Variants in IPCEF1 observed in about 807,000 individuals in gnomAD.
IPCEF1 encodes the protein interaction protein for cytohesin exchange factors 1.
In IPCEF1, 31 loss-of-function variants were observed where a neutral mutation model predicts 50.9. The observed-to-expected ratio is 0.61, with a 90% CI of 0.46 to 0.82. IPCEF1 has a LOEUF of 0.82. IPCEF1 is among the 40% of genes least tolerant of loss of function. IPCEF1 has a pLI of 0.00. For synonymous variants in IPCEF1, 181 were observed against 192.0 expected, an observed-to-expected ratio of 0.94 and a Z score of 0.47; for missense variants, 458 against 514.0, an observed-to-expected ratio of 0.89 and a Z score of 1.05.
intron 11 of IPCEF1, among the ~76,000 whole-genome samples, chr6:154,164,508 G>A (rs73789358): frequency 0.042 from 6,411 of 152,274 alleles, 432 homozygotes; most frequent in African/African-American, 0.14. Flanking sequence ...CCTGGATGGC[G>A]CATGAGGCTT....
chr6:154,237,969 C>T (rs559486780), intron 5 of IPCEF1, among the ~76,000 whole-genome samples: 6 of 152,058 alleles, frequency 3.9e-5, no homozygotes, highest in Admixed American at 2.0e-4. Flanking sequence ...TTCCTGTTAA[C>T]GATTTTAAAC....
At chr6:154,341,250 T>C (rs1258648631) in intron 1 of IPCEF1, among the ~76,000 whole-genome samples, 1 of 152,200 alleles carries the variant, frequency 6.6e-6, no homozygotes. Context: ...CTTAGTGATT[T>C]TGGGGGCTCA....
At chr6:154,205,555 A>G (rs1777423829) in intron 9 of IPCEF1, among the ~76,000 whole-genome samples, 1 of 152,200 alleles carries the variant, frequency 6.6e-6, no homozygotes, top group East Asian at 1.9e-4. Context: ...AAATCACACC[A>G]CTGCACTCTA....
chr6:154,165,985 T>C (rs887323596), intron 11 of IPCEF1, among the ~76,000 whole-genome samples: 5 of 152,198 alleles, frequency 3.3e-5, no homozygotes, highest in Non-Finnish European at 1.5e-5. Flanking sequence ...TGCAGGAGTT[T>C]AGAAACTGAT....
At chr6:154,259,061 G>T (rs1264211900) in intron 3 of IPCEF1, among the ~76,000 whole-genome samples, 1 of 152,200 alleles carries the variant, frequency 6.6e-6, no homozygotes, top group Non-Finnish European at 1.5e-5. Context: ...ACTCAGAGCT[G>T]TAAAATACCT....
chr6:154,351,412 T>A (rs1308704601), intron 1 of IPCEF1, among the ~76,000 whole-genome samples: 1 of 152,110 alleles, frequency 6.6e-6, no homozygotes, highest in Non-Finnish European at 1.5e-5. Context: ...CCTGACTGCC[T>A]AAGAAGACAA....
At chr6:154,283,470 C>A (rs910859305) in intron 2 of IPCEF1, among the ~76,000 whole-genome samples, 1 of 151,202 alleles carries the variant, frequency 6.6e-6, no homozygotes, top group African/African-American at 2.4e-5. Context: ...CGGTGGTGGG[C>A]CCCTGTAGTC....
At chr6:154,248,343 A>T (rs1171695029) in intron 3 of IPCEF1, among the ~76,000 whole-genome samples, 1 of 126,788 alleles carries the variant, frequency 7.9e-6, no homozygotes, top group Non-Finnish European at 1.8e-5. Context: ...GTGTGTAGAG[A>T]GAGAGAAAAA....
At chr6:154,196,079 C>T (rs950022332) in intron 10 of IPCEF1, among the ~76,000 whole-genome samples, 2 of 152,122 alleles carry the variant, frequency 1.3e-5, no homozygotes, top group African/African-American at 2.4e-5. Flanking sequence ...TGTGAGCCAC[C>T]CTGCCCAGTC....
At chr6:154,337,889 T>C (rs1783822395) in intron 1 of IPCEF1, among the ~76,000 whole-genome samples, 1 of 152,192 alleles carries the variant, frequency 6.6e-6, no homozygotes, top group South Asian at 2.1e-4. Flanking sequence ...CCTGGGGCAC[T>C]TGTTTAAAGT....
intron 9 of IPCEF1, among the ~76,000 whole-genome samples, chr6:154,210,438 C>T (rs1019764055): frequency 2.6e-5 from 4 of 152,124 alleles, no homozygotes; most frequent in Non-Finnish European, 4.4e-5. Flanking sequence ...GAGACAAAGA[C>T]AGAGACAGAG....
chr6:154,165,693 C>G (rs1286468009), intron 11 of IPCEF1, among the ~76,000 whole-genome samples: 1 of 152,210 alleles, frequency 6.6e-6, no homozygotes, highest in Non-Finnish European at 1.5e-5. Flanking sequence ...CTTGTGTAAT[C>G]TCCTCCCTGA....
rs903522350 is a variant in IPCEF1, at chr6:154,212,648, G to T, written c.537+122C>A. The stretch of plus-strand genomic sequence containing the variant: ...CCCTGAAAATTGCACTTGCTCGTTG[G>T]CAGGTATCTTAATTTAGCCCATTCT... On this transcript the variant is annotated intron_variant, in intron 9 of 11. Transcript: ENST00000367220. 6.2e-6 allele frequency: 4 copies of T among 649,176 alleles called. No individual in the cohort carries two copies. In the East Asian group the frequency reaches 1.1e-4, roughly 18 times the overall value. 40.2% of individuals were successfully genotyped at this position (649,176 alleles called of 1,614,324 possible).
chr6:154,214,253 G>A lies in IPCEF1; in HGVS notation c.416C>T (p.Ala139Val). The change falls in exon 8 of 12, where the codon GCT (alanine) becomes GTT (valine). Residue 139 changes from alanine to valine, a missense_variant. Physicochemically the swap from Ala to Val is moderately conservative, Grantham distance 64. Transcript: ENST00000367220. ...TGTAGTGGATTCCTGATGGATTACA[G>A]CCGATCCAAGTTTATTTAACCACCT... ...MNVWLNKLGS[A>V]VIHQESTTKD... The A allele has an allele frequency of 7.4e-6, 12 of 1,611,122 alleles. No individual in the cohort carries two copies. Among genetic ancestry groups the A allele is most frequent in the Non-Finnish European group, 1.0e-5 (12 of 1,177,280 alleles).
intron 7 of IPCEF1, chr6:154,216,869 A>G (rs1778439386): frequency 6.5e-6 from 1 of 152,972 alleles, no homozygotes; most frequent in African/African-American, 2.4e-5. Context: ...CTCTGTCTCA[A>G]AAAAAACAAA....
intron 9 of IPCEF1, among the ~76,000 whole-genome samples, chr6:154,210,536 T>G (rs1008903608): frequency 1.3e-5 from 2 of 152,210 alleles, no homozygotes; most frequent in African/African-American, 4.8e-5. Context: ...GTTGATAATG[T>G]CTTTAGAGGC....
chr6:154,195,926 G>C (rs1776586332), intron 10 of IPCEF1, among the ~76,000 whole-genome samples: 1 of 151,762 alleles, frequency 6.6e-6, no homozygotes, highest in African/African-American at 2.4e-5. Flanking sequence ...AGAGTAGCTG[G>C]GATTACAGGT....
chr6:154,231,607 G>A (rs1255246053), intron 5 of IPCEF1, among the ~76,000 whole-genome samples: 1 of 152,214 alleles, frequency 6.6e-6, no homozygotes, highest in Non-Finnish European at 1.5e-5. Flanking sequence ...AAAGTAAGGT[G>A]CAGTACTATA....
intron 1 of IPCEF1, among the ~76,000 whole-genome samples, chr6:154,293,136 A>T (rs1468222033): frequency 1.1e-4 from 16 of 152,238 alleles, no homozygotes; most frequent in Non-Finnish European, 1.8e-4. Context: ...GAATCGGTGT[A>T]TGTAACTTGA....
Sources: gnomAD v4.1 joint callset for allele counts (sites outside exome capture counted in the v4.1 genomes callset) on GRCh38, gnomAD v4.1.1 for gene constraint, MANE v1.5 for transcripts, NCBI Gene and HGNC (gene_info 2026-07-23, HGNC 2026-07-21) for gene names.